ACTR3C: variants seen among roughly 807,000 people sequenced by gnomAD.
The protein encoded by ACTR3C is actin related protein 3C, also known as actin-related protein 3C.
A neutral mutation model predicts 26.3 loss-of-function variants in ACTR3C; 18 were observed. The ratio of observed to expected loss-of-function variants is 0.68; its 90% CI spans 0.47 to 1.01. The LOEUF (loss-of-function observed/expected upper bound fraction) is 1.01, where lower values mean the gene tolerates loss of function less well. ACTR3C is among the 50% of genes least tolerant of loss of function. ACTR3C has a pLI of 0.00. For synonymous variants in ACTR3C, 55 were observed against 94.5 expected (o/e 0.58, Z 2.42); for missense variants, 184 against 250.7 (o/e 0.73, Z 1.80).
chr7:150,119,464 A>G, the ACTR3C span, among the ~76,000 whole-genome samples: 11 of 152,370 alleles, frequency 7.2e-5, no homozygotes, highest in African/African-American at 2.4e-4. Context: ...CTTTAAACCA[A>G]TAAAAGTCAA....
At chr7:150,102,737 C>T in the ACTR3C span, among the ~76,000 whole-genome samples, 2 of 151,702 alleles carry the variant, frequency 1.3e-5, no homozygotes. Flanking sequence ...CATGATCTCA[C>T]TTCTGAAATC....
At chr7:149,936,687 C>T in the ACTR3C span, among the ~76,000 whole-genome samples, 2 of 152,202 alleles carry the variant, frequency 1.3e-5, no homozygotes, top group Non-Finnish European at 2.9e-5. Flanking sequence ...CAAAGAACAC[C>T]CAGAAACACC....
the ACTR3C span, among the ~76,000 whole-genome samples, chr7:150,066,075 C>G: frequency 1.3e-5 from 2 of 152,216 alleles, no homozygotes; most frequent in African/African-American, 4.8e-5. Flanking sequence ...TCATGCTTGT[C>G]GAGCTCCAAA....
chr7:150,136,591 G>T, the ACTR3C span, among the ~76,000 whole-genome samples: 1 of 152,160 alleles, frequency 6.6e-6, no homozygotes, highest in South Asian at 2.1e-4. Context: ...AATCATTTGA[G>T]CCCGGGAGAT....
At chr7:150,080,363 G>A in the ACTR3C span, among the ~76,000 whole-genome samples, 1,825 of 150,532 alleles carry the variant, frequency 0.012, 45 homozygotes, top group African/African-American at 0.043. Context: ...TCCCACAGTG[G>A]GACTTCTTCA....
chr7:149,941,938 T>C, the ACTR3C span, among the ~76,000 whole-genome samples: 18 of 152,234 alleles, frequency 1.2e-4, no homozygotes, highest in Admixed American at 1.1e-3. Context: ...CCAGCCCACC[T>C]CCTGAGCATT....
At chr7:150,068,247 C>T in the ACTR3C span, among the ~76,000 whole-genome samples, 2 of 152,088 alleles carry the variant, frequency 1.3e-5, no homozygotes, top group South Asian at 4.2e-4. Flanking sequence ...TCAGTGCTCC[C>T]AACGGTATAC....
the ACTR3C span, among the ~76,000 whole-genome samples, chr7:149,969,954 G>A: frequency 2.6e-5 from 4 of 152,110 alleles, no homozygotes; most frequent in Admixed American, 6.6e-5. Flanking sequence ...GGAAGGGGTG[G>A]GAAGAGCAAA....
At chr7:150,156,552 G>C in the ACTR3C span, among the ~76,000 whole-genome samples, 3 of 151,444 alleles carry the variant, frequency 2.0e-5, no homozygotes, top group Admixed American at 2.0e-4. Context: ...GAGAGAGAGA[G>C]AGAGGAGAGA....
chr7:149,888,280 T>C, the ACTR3C span, among the ~76,000 whole-genome samples: 1 of 152,240 alleles, frequency 6.6e-6, no homozygotes, highest in African/African-American at 2.4e-5. Flanking sequence ...TTTATATGTC[T>C]TTGTGCACAT....
chr7:150,210,277 T>C, the ACTR3C span, among the ~76,000 whole-genome samples: 3 of 149,862 alleles, frequency 2.0e-5, no homozygotes, highest in Non-Finnish European at 4.4e-5. Context: ...GGTAGAAATA[T>C]AAAATTCTAA....
At chr7:150,178,920 CTACT>C in the ACTR3C span, among the ~76,000 whole-genome samples, 1 of 150,360 alleles carries the variant, frequency 6.7e-6, no homozygotes, top group Admixed American at 6.6e-5. Context: ...AGTCTACAGA[CTACT>C]TAATTTTGAA....
chr7:150,148,207 G>A, the ACTR3C span, among the ~76,000 whole-genome samples: 4 of 151,540 alleles, frequency 2.6e-5, no homozygotes, highest in Middle Eastern at 3.5e-3. Context: ...GGCCAGGCGC[G>A]GTGGCTCATG....
At chr7:150,159,535 T>C in the ACTR3C span, among the ~76,000 whole-genome samples, 1 of 152,044 alleles carries the variant, frequency 6.6e-6, no homozygotes, top group African/African-American at 2.4e-5. Context: ...AACATCCAGA[T>C]TGGAACCCAT....
the ACTR3C span, among the ~76,000 whole-genome samples, chr7:150,225,503 T>C: frequency 6.6e-6 from 1 of 152,234 alleles, no homozygotes; most frequent in Non-Finnish European, 1.5e-5. Flanking sequence ...TCAGTTCTAC[T>C]CTATATGTAC....
intron 1 of ACTR3C, among the ~76,000 whole-genome samples, chr7:150,303,691 T>C (rs1795604703): frequency 6.6e-6 from 1 of 152,250 alleles, no homozygotes; most frequent in African/African-American, 2.4e-5. Flanking sequence ...ATTGATGTTA[T>C]AATTATTCCT....
the ACTR3C span, among the ~76,000 whole-genome samples, chr7:150,222,824 C>T: frequency 1.2e-4 from 18 of 152,264 alleles, no homozygotes; most frequent in South Asian, 2.1e-4. Flanking sequence ...TTGACTTTGA[C>T]GTAATCAGTT....
intron 7 of ACTR3C, chr7:150,247,931 G>T (rs1832557664): frequency 6.6e-6 from 1 of 152,256 alleles, no homozygotes; most frequent in African/African-American, 2.4e-5. Flanking sequence ...CCAGAAGCTG[G>T]GCACCATGCT....
the ACTR3C span, among the ~76,000 whole-genome samples, chr7:150,225,711 A>G: frequency 2.0e-5 from 3 of 152,272 alleles, no homozygotes; most frequent in Admixed American, 6.5e-5. Flanking sequence ...TGGTTTTGTC[A>G]CATTCTGCAT....
Sources: allele counts gnomAD v4.1 joint callset (sites outside exome capture counted in the v4.1 genomes callset), GRCh38; gene constraint gnomAD v4.1.1; transcripts MANE v1.5; gene names NCBI Gene and HGNC (gene_info 2026-07-23, HGNC 2026-07-21).